Variants in RPS6 observed in about 807,000 individuals in gnomAD.
The protein encoded by RPS6 is small ribosomal subunit protein eS6.
In RPS6, 1 loss-of-function variant was observed where a neutral mutation model predicts 27.1. That is an observed-to-expected ratio of 0.04 (90% confidence interval 0.01 to 0.18). The LOEUF (loss-of-function observed/expected upper bound fraction) is 0.18. Ranked by LOEUF, RPS6 falls within the 10% of genes least tolerant of loss-of-function variation. The pLI is 1.00. For missense variants in RPS6, 259 were observed against 319.1 expected (o/e 0.81, Z 1.44); for synonymous variants, 152 against 106.0 (o/e 1.43, Z -2.66).
Position 19,376,108 on chromosome 9 carries a change from C to A in RPS6, c.*185G>T, listed in dbSNP as rs1017707206. The A allele has an allele frequency of 1.4e-5, 8 of 576,696 alleles. No homozygotes were observed. The highest frequency in any genetic ancestry group is 7.5e-5 in the African/African-American group (4 of 53,414). The allele number at this position is 576,696 out of a possible 1,614,324, so 35.7% of individuals were successfully genotyped here. ...ATCCCCTGAAAGGAACCCCTGTACA[C>A]TGACCTTGTCTTCCACTACCACACA... On this transcript the variant is annotated 3_prime_UTR_variant, in exon 6 of 6. Transcript: ENST00000380394.
chr9:19,379,632 G>C lies in RPS6; in HGVS notation c.7-14C>G. ...GGAGATGTTCAGCTAAGGATTAAAA[G>C]GGGGGAAATAGTTTACGAAACTATC... On this transcript the variant is annotated splice_polypyrimidine_tract_variant and intron_variant, in intron 1 of 5. Transcript: ENST00000380394. 4.4e-6 allele frequency: 7 copies of C among 1,608,550 alleles called. No individual in the cohort carries two copies. The highest frequency in any genetic ancestry group is 5.9e-6 in the Non-Finnish European group (7 of 1,177,188).
Position 19,376,360 on chromosome 9 carries a change from A to G in RPS6, c.683T>C (p.Ile228Thr). 3.1e-6 allele frequency: 5 copies of G among 1,614,150 alleles called. No homozygotes were observed. Among genetic ancestry groups the G allele is most frequent in the Non-Finnish European group, 4.2e-6 (5 of 1,180,018 alleles). Residue 228 changes from isoleucine to threonine, a missense_variant, in exon 6 of 6, where the codon ATT becomes ACT. By Grantham distance (89) the Ile-to-Thr change is moderately conservative. Coordinates refer to ENST00000380394, the MANE Select transcript of RPS6 (RefSeq NM_001010.3). ...AGAGGAAAGTCTGCGTCTCTTCGCA[A>G]TTTGTTCCTGGCGCTTCTCCTTAGC... ...KEAKEKRQEQ[I>T]AKRRRLSSLR...
intron 1 of RPS6, 80 bp from the exon 2 acceptor site, chr9:19,379,698 C>T: frequency 6.6e-7 from 1 of 1,523,068 alleles, no homozygotes; most frequent in Non-Finnish European, 8.8e-7. Flanking sequence ...GTTAATTCCA[C>T]TGCAAAAAGC....
At position 19,376,668 on chromosome 9, in the gene RPS6, C is replaced by A. The variant is rs376269533; in HGVS notation, c.497-17G>T. 6.3e-7 allele frequency: 1 copy of A among 1,591,412 alleles called. No homozygotes were observed. Among genetic ancestry groups the A allele is most frequent in the Non-Finnish European group, 8.5e-7 (1 of 1,173,364 alleles). Reference sequence around the variant, plus strand: ...GTTTCTTACCTAAAAATTCAAAGGACTCAATCATTTCAATATTTGTTTTGT... The same window carrying A: ...GTTTCTTACCTAAAAATTCAAAGGAATCAATCATTTCAATATTTGTTTTGT... On this transcript the variant is annotated splice_polypyrimidine_tract_variant and intron_variant, in intron 4 of 5. Coordinates refer to ENST00000380394, the MANE Select transcript of RPS6 (RefSeq NM_001010.3).
In RPS6 at chr9:19,376,668, CTCAATCATT is replaced by C; in HGVS notation, c.497-26_497-18del. 6.3e-7 allele frequency: 1 copy of C among 1,591,412 alleles called. No homozygotes were observed. Among genetic ancestry groups the C allele is most frequent in the African/African-American group, 1.4e-5 (1 of 73,298 alleles). On this transcript the variant is annotated intron_variant, in intron 4 of 5. Coordinates refer to ENST00000380394, the MANE Select transcript of RPS6 (RefSeq NM_001010.3). ...GTTTCTTACCTAAAAATTCAAAGGA[CTCAATCATT>C]TCAATATTTGTTTTGTTAGAATCCA...
Position 19,378,353 on chromosome 9 carries a change from C to T in RPS6, c.496+15G>A, listed in dbSNP as rs536973556. On this transcript the variant is annotated intron_variant, in intron 4 of 5. Transcript: ENST00000380394. ...ACCAAAATTAAGCAAGCCCTAATTG[C>T]ATAATCCCTCCTACCTTCTTTATTT... is the stretch of plus-strand genomic sequence containing the variant. The T allele has an allele frequency of 3.7e-5, 60 of 1,610,258 alleles. No individual in the cohort carries two copies. The highest frequency in any genetic ancestry group is 4.9e-5 in the Non-Finnish European group (58 of 1,179,084).
chr9:19,377,445 A>G (rs1829607363), intron 4 of RPS6, among the ~76,000 whole-genome samples: 1 of 144,870 alleles, frequency 6.9e-6, no homozygotes, highest in African/African-American at 2.7e-5. Flanking sequence ...ATTTGTCTAT[A>G]CTGTATTCTC....
rs368693979 is a variant in RPS6, at chr9:19,380,172, C to T, written c.6+18G>A. Reference sequence around the variant, plus strand: ...CACGTTCCCCAAACCCAGTCTAACACTCGCCACCATCACCTACCTTCATCT... The same window carrying T: ...CACGTTCCCCAAACCCAGTCTAACATTCGCCACCATCACCTACCTTCATCT... On this transcript the variant is annotated intron_variant, in intron 1 of 5. Transcript: ENST00000380394. 3.1e-6 allele frequency: 5 copies of T among 1,614,198 alleles called. No individual in the cohort carries two copies. Among genetic ancestry groups the T allele is most frequent in the Non-Finnish European group, 4.2e-6 (5 of 1,180,042 alleles).
In RPS6 at chr9:19,380,199, G is replaced by C. The variant is rs367798566; in HGVS notation, c.-4C>G. On this transcript the variant is annotated 5_prime_UTR_variant, in exon 1 of 6. Transcript: ENST00000380394. ...CGCCACCATCACCTACCTTCATCTTGAAGCAGCTGAACGCCTCCGAGGCGC... is the reference window on the plus strand; with the variant it reads ...CGCCACCATCACCTACCTTCATCTTCAAGCAGCTGAACGCCTCCGAGGCGC... 3.1e-6 allele frequency: 5 copies of C among 1,613,228 alleles called. No individual in the cohort carries two copies. Among genetic ancestry groups the C allele is most frequent in the African/African-American group, 1.3e-5 (1 of 74,888 alleles).
chr9:19,376,132 C>A lies in RPS6; in HGVS notation c.*161G>T. ...ACTGACCTTGTCTTCCACTACCACACACAATAGGTCTGACTTTATCCACCA... is the reference window on the plus strand; with the variant it reads ...ACTGACCTTGTCTTCCACTACCACAAACAATAGGTCTGACTTTATCCACCA... On this transcript the variant is annotated 3_prime_UTR_variant, in exon 6 of 6. Coordinates refer to ENST00000380394, the MANE Select transcript of RPS6 (RefSeq NM_001010.3). 4 of 638,048 alleles carry A rather than the reference C, an allele frequency of 6.3e-6. No homozygotes were observed. The highest frequency in any genetic ancestry group is 1.1e-5 in the Non-Finnish European group (4 of 376,584). 39.5% of individuals were successfully genotyped at this position (638,048 alleles called of 1,614,324 possible). A position where few individuals can be genotyped will look rare whatever the true frequency, so the allele number is the denominator to read the frequency against.
intron 4 of RPS6, 55 bp from the exon 5 acceptor site, chr9:19,376,706 C>G: frequency 3.9e-6 from 6 of 1,537,618 alleles, no homozygotes; most frequent in Non-Finnish European, 5.3e-6. Context: ...GAATCCACAT[C>G]TACTTTAAAA....
chr9:19,378,226 C>T, intron 4 of RPS6, 142 bp downstream of exon 4: 2 of 752,662 alleles, frequency 2.7e-6, no homozygotes, highest in Middle Eastern at 3.9e-4. Flanking sequence ...GTATGCTGGC[C>T]ACCCCCAAAT....
At position 19,378,421 on chromosome 9, in the gene RPS6, G is replaced by C; in HGVS notation, c.443C>G (p.Ser148Cys). ...ATACTGGCGGACATCATCTTCTTTA[G>C]AGAGATTGAAAAGTTTGCGGATTCT... ...ASRIRKLFNL[S>C]KEDDVRQYVV... Residue 148 changes from serine to cysteine, a missense_variant, in exon 4 of 6, where the codon TCT (serine) becomes TGT (cysteine). Coordinates refer to ENST00000380394, the MANE Select transcript of RPS6 (RefSeq NM_001010.3). 2 of 1,613,708 alleles carry C rather than the reference G, an allele frequency of 1.2e-6. No homozygotes were observed. The highest frequency in any genetic ancestry group is 1.7e-6 in the Non-Finnish European group (2 of 1,180,014).
At position 19,379,471 on chromosome 9, in the gene RPS6, A is replaced by AT. The variant is rs752590926; in HGVS notation, c.138+15dup. On this transcript the variant is annotated intron_variant, in intron 2 of 5. Coordinates refer to ENST00000380394, the MANE Select transcript of RPS6 (RefSeq NM_001010.3). ...GTCTCTGACTTAAATACCTGCAACA[A>AT]TTTGTCAACTTTTACCTTCCATTCT... The AT allele has an allele frequency of 2.5e-6, 4 of 1,613,876 alleles. No homozygotes were observed. Among genetic ancestry groups the AT allele is most frequent in the Non-Finnish European group, 3.4e-6 (4 of 1,179,970 alleles).
In RPS6 at chr9:19,376,118, C is replaced by G; in HGVS notation, c.*175G>C. 2 of 600,194 alleles carry G rather than the reference C, an allele frequency of 3.3e-6. No homozygotes were observed. The highest frequency in any genetic ancestry group is 4.3e-5 in the South Asian group (2 of 46,602). The allele number at this position is 600,194 out of a possible 1,614,324, so 37.2% of individuals were successfully genotyped here. ...AGGAACCCCTGTACACTGACCTTGT[C>G]TTCCACTACCACACACAATAGGTCT... On this transcript the variant is annotated 3_prime_UTR_variant, in exon 6 of 6. Transcript: ENST00000380394.
rs772673878 is a variant in RPS6, at chr9:19,376,279, T to C, written c.*14A>G. The C allele has an allele frequency of 2.5e-6, 4 of 1,595,646 alleles. No homozygotes were observed. Among genetic ancestry groups the C allele is most frequent in the East Asian group, 2.2e-5 (1 of 44,778 alleles). On this transcript the variant is annotated 3_prime_UTR_variant, in exon 6 of 6. Coordinates refer to ENST00000380394, the MANE Select transcript of RPS6 (RefSeq NM_001010.3). The stretch of plus-strand genomic sequence containing the variant: ...ATCAGAGTCTGATCTTATTTATTTG[T>C]TACTCAAAAAATCTTATTTCTGACT...
At chr9:19,377,213 T>C (rs1038582220) in intron 4 of RPS6, among the ~76,000 whole-genome samples, 7 of 152,202 alleles carry the variant, frequency 4.6e-5, no homozygotes, top group African/African-American at 1.7e-4. Flanking sequence ...CATGGACACT[T>C]TGTAGGAGTT....
In RPS6 at chr9:19,376,257, A is replaced by C. The variant is rs67710536; in HGVS notation, c.*36T>G. ...CAGCAATGAAAAGTCAACAGAGATCAGAGTCTGATCTTATTTATTTGTTAC... is the reference window on the plus strand; with the variant it reads ...CAGCAATGAAAAGTCAACAGAGATCCGAGTCTGATCTTATTTATTTGTTAC... On this transcript the variant is annotated 3_prime_UTR_variant, in exon 6 of 6. Coordinates refer to ENST00000380394, the MANE Select transcript of RPS6 (RefSeq NM_001010.3). 0.11 allele frequency: 163,755 copies of C among 1,528,820 alleles called. 14,700 individuals are homozygous for C. The highest frequency in any genetic ancestry group is 0.46 in the African/African-American group (33,289 of 72,210). The allele number at this position is 1,528,820 out of a possible 1,614,324, so 94.7% of individuals were successfully genotyped here. A position where few individuals can be genotyped will look rare whatever the true frequency, so the allele number is the denominator to read the frequency against.
intron 1 of RPS6, chr9:19,379,932 G>T: frequency 9.1e-6 from 13 of 1,433,548 alleles, no homozygotes; most frequent in Non-Finnish European, 1.2e-5. Flanking sequence ...CCGCAAACTG[G>T]GCAACACGCC....
Sources: gnomAD v4.1 joint callset for allele counts (sites outside exome capture counted in the v4.1 genomes callset) on GRCh38, gnomAD v4.1.1 for gene constraint, MANE v1.5 for transcripts, NCBI Gene and HGNC (gene_info 2026-07-23, HGNC 2026-07-21) for gene names.